Variants in SGCZ observed in about 807,000 individuals in gnomAD.
The protein encoded by SGCZ is zeta-sarcoglycan.
A neutral mutation model predicts 41.3 loss-of-function variants in SGCZ; 40 were observed. The observed-to-expected ratio is 0.97, with a 90% CI of 0.75 to 1.26. The LOEUF is 1.26. SGCZ is among the 50% of genes most tolerant of loss of function. SGCZ has a pLI of 0.00. For missense variants in SGCZ, 552 were observed against 369.8 expected (o/e 1.49, Z -4.04); for synonymous variants, 206 against 137.5 (o/e 1.50, Z -3.49).
At chr8:14,945,396 T>C (rs530214074) in intron 1 of SGCZ, among the ~76,000 whole-genome samples, 1 of 152,196 alleles carries the variant, frequency 6.6e-6, no homozygotes, top group Non-Finnish European at 1.5e-5. Context: ...TTATAACTTA[T>C]AAGGTTGTGT....
chr8:15,043,058 C>A (rs1269538756), intron 1 of SGCZ, among the ~76,000 whole-genome samples: 3 of 152,188 alleles, frequency 2.0e-5, no homozygotes, highest in African/African-American at 7.2e-5. Flanking sequence ...GCACCACTGT[C>A]ATGGTAACAC....
At chr8:14,143,809 A>G (rs116032996) in intron 5 of SGCZ, among the ~76,000 whole-genome samples, 2,975 of 152,232 alleles carry the variant, frequency 0.02, 94 homozygotes, top group African/African-American at 0.067. Context: ...CAGCAGTAGT[A>G]AGGAGAGGAG....
At chr8:14,757,632 G>C (rs1326610911) in intron 1 of SGCZ, among the ~76,000 whole-genome samples, 1 of 152,146 alleles carries the variant, frequency 6.6e-6, no homozygotes, top group Non-Finnish European at 1.5e-5. Flanking sequence ...GTACCGGGTA[G>C]CATGATAGAG....
At chr8:14,896,130 C>A (rs1248400036) in intron 1 of SGCZ, among the ~76,000 whole-genome samples, 1 of 152,150 alleles carries the variant, frequency 6.6e-6, no homozygotes, top group Admixed American at 6.5e-5. Context: ...AGTGAAGAAA[C>A]TGCTATGGGT....
intron 2 of SGCZ, among the ~76,000 whole-genome samples, chr8:14,451,715 A>G (rs1398539978): frequency 6.6e-6 from 1 of 152,236 alleles, no homozygotes; most frequent in Non-Finnish European, 1.5e-5. Context: ...TGCATGATAT[A>G]CAAGTGGCAA....
At chr8:14,838,781 C>T (rs543437350) in intron 1 of SGCZ, among the ~76,000 whole-genome samples, 5 of 152,248 alleles carry the variant, frequency 3.3e-5, no homozygotes, top group South Asian at 2.1e-4. Context: ...TGTATCTTTT[C>T]GTGGAGCTGC....
intron 1 of SGCZ, among the ~76,000 whole-genome samples, chr8:14,636,992 G>A (rs573857429): frequency 1.3e-5 from 2 of 151,750 alleles, no homozygotes; most frequent in African/African-American, 2.4e-5. Context: ...TCCAAAACAC[G>A]ACTCTCATTT....
At chr8:14,385,940 C>G (rs1804558874) in intron 2 of SGCZ, among the ~76,000 whole-genome samples, 1 of 152,152 alleles carries the variant, frequency 6.6e-6, no homozygotes, top group Non-Finnish European at 1.5e-5. Context: ...CTCTCCTATA[C>G]TTTAAATCAT....
chr8:14,368,502 C>T (rs1205176066), intron 2 of SGCZ, among the ~76,000 whole-genome samples: 1 of 152,052 alleles, frequency 6.6e-6, no homozygotes, highest in Non-Finnish European at 1.5e-5. Flanking sequence ...GTCCTCCATA[C>T]TAAAACTTCA....
Position 14,090,390 on chromosome 8 carries a change from A to G in SGCZ, c.*53T>C, listed in dbSNP as rs1474606593. ...CAAGGGAAACCGAGCAGAACTGTGA[A>G]GCAGACGGACAGGAACAAAAGGCTA... On this transcript the variant is annotated 3_prime_UTR_variant, in exon 8 of 8. Coordinates refer to ENST00000382080, the MANE Select transcript of SGCZ (RefSeq NM_139167.4). 5.8e-6 allele frequency: 9 copies of G among 1,564,748 alleles called. No individual in the cohort carries two copies. Among genetic ancestry groups the G allele is most frequent in the South Asian group, 3.6e-5 (3 of 83,514 alleles).
intron 1 of SGCZ, among the ~76,000 whole-genome samples, chr8:14,692,985 G>A (rs1463631129): frequency 6.6e-6 from 1 of 152,144 alleles, no homozygotes; most frequent in Non-Finnish European, 1.5e-5. Context: ...TATTTTCAGA[G>A]CTCTCTGTAT....
chr8:14,289,145 G>A (rs1432395971), intron 3 of SGCZ, among the ~76,000 whole-genome samples: 3 of 150,996 alleles, frequency 2.0e-5, no homozygotes, highest in African/African-American at 4.9e-5. Context: ...TTAATTACAG[G>A]GATTCTTTAA....
chr8:14,701,639 C>T (rs1208902143), intron 1 of SGCZ, among the ~76,000 whole-genome samples: 2 of 151,964 alleles, frequency 1.3e-5, no homozygotes, highest in African/African-American at 4.8e-5. Context: ...CTCCTTATTC[C>T]TGCAGCTTTC....
At chr8:14,650,325 T>A (rs1807356254) in intron 1 of SGCZ, among the ~76,000 whole-genome samples, 1 of 152,016 alleles carries the variant, frequency 6.6e-6, no homozygotes, top group African/African-American at 2.4e-5. Flanking sequence ...GGACGGAAGT[T>A]TAGCTTTAAA....
chr8:14,453,017 C>A (rs538834803), intron 2 of SGCZ, among the ~76,000 whole-genome samples: 30 of 152,016 alleles, frequency 2.0e-4, no homozygotes, highest in Non-Finnish European at 3.7e-4. Flanking sequence ...GCACAAGAAT[C>A]GCTTGAACCC....
chr8:14,727,896 A>G (rs1810110748), intron 1 of SGCZ, among the ~76,000 whole-genome samples: 1 of 152,218 alleles, frequency 6.6e-6, no homozygotes, highest in Non-Finnish European at 1.5e-5. Flanking sequence ...TTATACACAT[A>G]ATGAAATATT....
chr8:14,896,516 A>C (rs969376746), intron 1 of SGCZ, among the ~76,000 whole-genome samples: 3 of 152,056 alleles, frequency 2.0e-5, no homozygotes, highest in Non-Finnish European at 4.4e-5. Flanking sequence ...TCACCCTGTC[A>C]TCCAAGCTTG....
intron 4 of SGCZ, among the ~76,000 whole-genome samples, chr8:14,217,554 C>T (rs35582170): frequency 6.8e-6 from 1 of 146,602 alleles, no homozygotes; most frequent in African/African-American, 2.5e-5. Context: ...GAGTTCACCT[C>T]ATAAACAAAA....
intron 1 of SGCZ, among the ~76,000 whole-genome samples, chr8:14,675,906 G>T (rs1399295732): frequency 6.6e-6 from 1 of 152,186 alleles, no homozygotes; most frequent in East Asian, 1.9e-4. Flanking sequence ...GGTTTCAGAG[G>T]TCAGGGAGGC....
Sources: gnomAD v4.1 joint callset for allele counts (sites outside exome capture counted in the v4.1 genomes callset) on GRCh38, gnomAD v4.1.1 for gene constraint, MANE v1.5 for transcripts, NCBI Gene and HGNC (gene_info 2026-07-23, HGNC 2026-07-21) for gene names.